Variants in TEX10 observed in about 807,000 individuals in gnomAD.
The protein encoded by TEX10 is testis-expressed protein 10.
TEX10 carries 24 observed loss-of-function variants against 104.4 expected under a neutral mutation model. That is an observed-to-expected ratio of 0.23 (90% CI 0.17 to 0.32). The LOEUF (loss-of-function observed/expected upper bound fraction) is 0.32, where lower values mean the gene tolerates loss of function less well. Ranked by LOEUF, TEX10 falls within the 10% of genes least tolerant of loss-of-function variation. TEX10 has a pLI of 1.00. For missense variants in TEX10, 921 were observed against 1,083.9 expected (o/e 0.85, Z 2.11); for synonymous variants, 396 against 393.4 (o/e 1.01, Z -0.08).
intron 5 of TEX10, among the ~76,000 whole-genome samples, chr9:100,334,671 T>TG (rs1345272577): frequency 1.3e-5 from 2 of 151,244 alleles, no homozygotes; most frequent in African/African-American, 4.9e-5. Flanking sequence ...TGTTCTTTTT[T>TG]TTTTTTTTCC....
At chr9:100,333,274 C>T (rs1287491074) in intron 5 of TEX10, among the ~76,000 whole-genome samples, 1 of 152,082 alleles carries the variant, frequency 6.6e-6, no homozygotes, top group Non-Finnish European at 1.5e-5. Flanking sequence ...AACATCCCTA[C>T]CTTAAGCTTG....
At chr9:100,305,588 G>A (rs976480813) in intron 13 of TEX10, 1 of 151,848 alleles carries the variant, frequency 6.6e-6, no homozygotes, top group African/African-American at 2.4e-5. Flanking sequence ...TTCTTAATTT[G>A]AGTGGATTTC....
intron 11 of TEX10, among the ~76,000 whole-genome samples, chr9:100,314,270 TAG>T (rs1200362868): frequency 6.6e-6 from 1 of 152,024 alleles, no homozygotes; most frequent in Non-Finnish European, 1.5e-5. Context: ...GTATATTTAG[TAG>T]AGACAGGGTT....
At chr9:100,312,481 T>C (rs1834305606) in intron 11 of TEX10, among the ~76,000 whole-genome samples, 1 of 152,200 alleles carries the variant, frequency 6.6e-6, no homozygotes, top group African/African-American at 2.4e-5. Flanking sequence ...AGGATATAAC[T>C]AGAATAAACT....
intron 5 of TEX10, 143 bp from the exon 6 acceptor site, chr9:100,330,312 A>C: frequency 1.5e-6 from 1 of 682,762 alleles, no homozygotes; most frequent in Non-Finnish European, 2.5e-6. Context: ...GTGCATAGGC[A>C]AGACTTAGGC....
At chr9:100,350,603 T>C (rs1397046283) in intron 1 of TEX10, among the ~76,000 whole-genome samples, 2 of 152,208 alleles carry the variant, frequency 1.3e-5, no homozygotes, top group Admixed American at 6.5e-5. Flanking sequence ...CTCTGGAATA[T>C]ATAAAACTTC....
rs539645458 is a variant in TEX10 at position 100,321,381 on chromosome 9, A to G, written c.2068+302T>C. Among the ~76,000 whole-genome samples, 26 of 152,360 alleles carry G rather than the reference A, an allele frequency of 1.7e-4. 3 individuals carry two copies. The South Asian group carries it at 5.2e-3, about 30-fold the overall frequency. Reference sequence around the variant, plus strand: ...CAAATAATACATTTAAAATAATAGTAGTAGTACATCAAACTTAAAAATACA... The same window carrying G: ...CAAATAATACATTTAAAATAATAGTGGTAGTACATCAAACTTAAAAATACA... On this transcript the variant is annotated intron_variant, in intron 10 of 14. Transcript: ENST00000374902.
intron 14 of TEX10, among the ~76,000 whole-genome samples, 188 bp from the exon 15 acceptor site, chr9:100,302,492 C>T (rs1238331794): frequency 6.6e-6 from 1 of 152,174 alleles, no homozygotes; most frequent in Admixed American, 6.5e-5. Flanking sequence ...AGTGAAAATT[C>T]CTAGTTATAT....
Position 100,329,191 on chromosome 9 carries a change from T to A in TEX10, c.1574A>T (p.Lys525Met). The change falls in exon 7 of 15, where the codon AAG becomes ATG. Residue 525 changes from lysine (K) to methionine (M), a missense_variant. Lys to Met is a moderately conservative substitution (Grantham distance 95). Around this residue, in one of 3 missense-constraint regions of TEX10, gnomAD observed 753 missense variants for 868.4 expected, o/e 0.87. Coordinates refer to ENST00000374902, the MANE Select transcript of TEX10 (RefSeq NM_017746.4). ...LILPVRTLLL[K>M]FFSKIYQTEE... ...TGTCTGATAGATTTTACTGAAAAAC[T>A]TCAATAACAAAGTCCGAACTGGAAG... 6.2e-7 allele frequency: 1 copy of A among 1,612,288 alleles called. No individual in the cohort carries two copies. The highest frequency in any genetic ancestry group is 8.5e-7 in the Non-Finnish European group (1 of 1,179,528).
In TEX10 at chr9:100,310,384, C is replaced by A. The variant is rs184842366; in HGVS notation, c.2203-5G>T. Reference sequence around the variant, plus strand: ...CAATAAACTGTGAAAAACTGCCTGTCAGAAAAGGAGAAAACCACTAACCAA... The same window carrying A: ...CAATAAACTGTGAAAAACTGCCTGTAAGAAAAGGAGAAAACCACTAACCAA... On this transcript the variant is annotated splice_polypyrimidine_tract_variant and splice_region_variant and intron_variant, in intron 11 of 14. Transcript: ENST00000374902. 8.1e-6 allele frequency: 13 copies of A among 1,612,500 alleles called. No homozygotes were observed. The Admixed American group carries it at 2.0e-4, about 25-fold the overall frequency.
chr9:100,344,306 A>T (rs1225077153), intron 4 of TEX10, among the ~76,000 whole-genome samples: 1 of 152,218 alleles, frequency 6.6e-6, no homozygotes, highest in Non-Finnish European at 1.5e-5. Context: ...AGCACAAAAT[A>T]GTTCTAAAGC....
chr9:100,349,433 G>A, intron 1 of TEX10, 61 bp from the exon 2 acceptor site: 2 of 1,195,274 alleles, frequency 1.7e-6, no homozygotes, highest in Non-Finnish European at 2.2e-6. Flanking sequence ...TATGAAAAAA[G>A]GCACTTTCCA....
intron 11 of TEX10, among the ~76,000 whole-genome samples, chr9:100,313,231 G>A (rs1434989364): frequency 6.6e-6 from 1 of 152,014 alleles, no homozygotes; most frequent in African/African-American, 2.4e-5. Flanking sequence ...TTAAGAAATA[G>A]TGGCCGGGCA....
intron 5 of TEX10, among the ~76,000 whole-genome samples, chr9:100,335,863 T>C (rs1834993063): frequency 6.6e-6 from 1 of 152,016 alleles, no homozygotes; most frequent in African/African-American, 2.4e-5. Flanking sequence ...TAAAAATAAA[T>C]TATATCATTT....
intron 1 of TEX10, among the ~76,000 whole-genome samples, chr9:100,350,684 T>C (rs138583250): frequency 9.2e-5 from 14 of 152,208 alleles, no homozygotes; most frequent in Non-Finnish European, 1.3e-4. Flanking sequence ...CACATGAGGG[T>C]ATAAAAAAAT....
rs552080108 is a variant in TEX10, at chr9:100,314,408, T to G, written c.2203-4029A>C. Among the ~76,000 whole-genome samples, 10 of 152,276 alleles carry G rather than the reference T, an allele frequency of 6.6e-5. No individual in the cohort carries two copies. In the East Asian group the frequency reaches 1.9e-3, roughly 29 times the overall value. On this transcript the variant is annotated intron_variant, in intron 11 of 14. Coordinates refer to ENST00000374902, the MANE Select transcript of TEX10 (RefSeq NM_017746.4). ...GCCTGGAGATTTTTTTATTACCAATTTAACCATACTACTCATTATTGGTCT... is the reference window on the plus strand; with the variant it reads ...GCCTGGAGATTTTTTTATTACCAATGTAACCATACTACTCATTATTGGTCT...
At chr9:100,316,910 A>AAAAC (rs1554734920) in intron 11 of TEX10, among the ~76,000 whole-genome samples, 12 of 145,888 alleles carry the variant, frequency 8.2e-5, no homozygotes, top group Non-Finnish European at 1.5e-4. Flanking sequence ...AAAAAAAAAA[A>AAAAC]AAAAAACCTA....
chr9:100,304,122 T>G (rs1834086037), intron 13 of TEX10: 1 of 469,580 alleles, frequency 2.1e-6, no homozygotes, highest in East Asian at 4.0e-5. Flanking sequence ...TGGAAAAACA[T>G]TCCATGCTCA....
intron 11 of TEX10, among the ~76,000 whole-genome samples, chr9:100,316,057 A>T (rs10819757): frequency 1.3e-5 from 2 of 152,134 alleles, no homozygotes; most frequent in African/African-American, 4.8e-5. Context: ...GTCACTTTAC[A>T]TAAGTCCCAA....
Sources: gnomAD v4.1 joint callset for allele counts (sites outside exome capture counted in the v4.1 genomes callset) on GRCh38, gnomAD v4.1.1 for gene constraint, gnomAD v4.1.1 regional missense constraint, MANE v1.5 for transcripts, NCBI Gene and HGNC (gene_info 2026-07-23, HGNC 2026-07-21) for gene names.